Variants in LRRC37A2 observed in about 807,000 individuals in gnomAD.
LRRC37A2 encodes the protein leucine rich repeat containing 37 member A2.
In LRRC37A2, 9 loss-of-function variants were observed where a neutral mutation model predicts 68.8. The observed-to-expected ratio is 0.13, with a 90% CI of 0.08 to 0.23. The LOEUF is 0.23. Among genes scored for constraint, LRRC37A2 ranks in the 10% least tolerant of loss-of-function variants. The probability of loss-of-function intolerance (pLI) is 1.00; values close to 1 mark genes in which losing one functional copy is unlikely to be tolerated. For synonymous variants in LRRC37A2, 63 were observed against 367.6 expected, an observed-to-expected ratio of 0.17 and a Z score of 9.48; for missense variants, 168 against 950.4, an observed-to-expected ratio of 0.18 and a Z score of 10.82.
the LRRC37A2 span, among the ~76,000 whole-genome samples, chr17:46,717,811 GT>G: frequency 6.6e-6 from 1 of 152,198 alleles, no homozygotes; most frequent in Non-Finnish European, 1.5e-5. Flanking sequence ...AGCGAACAAG[GT>G]GACGGAAATC....
the LRRC37A2 span, among the ~76,000 whole-genome samples, chr17:46,770,624 C>G: frequency 2.0e-5 from 3 of 152,200 alleles, no homozygotes; most frequent in Admixed American, 2.0e-4. Context: ...GCTCCTAGAG[C>G]CCCTCACCAG....
At chr17:46,865,021 T>C in the LRRC37A2 span, among the ~76,000 whole-genome samples, 151 of 152,296 alleles carry the variant, frequency 9.9e-4, no homozygotes, top group Non-Finnish European at 4.0e-4. Flanking sequence ...AGTCACAGAC[T>C]CATAGAGGTG....
At chr17:46,947,693 A>T in the LRRC37A2 span, among the ~76,000 whole-genome samples, 9 of 152,348 alleles carry the variant, frequency 5.9e-5, no homozygotes, top group African/African-American at 1.7e-4. Context: ...TCCTGTCTGT[A>T]TAGTGAGAAT....
the LRRC37A2 span, among the ~76,000 whole-genome samples, chr17:46,631,061 T>TATACACACAC: frequency 1.6e-5 from 2 of 122,772 alleles, no homozygotes; most frequent in Non-Finnish European, 3.2e-5. Flanking sequence ...TCTCTCTCTG[T>TATACACACAC]ACACACACAC....
chr17:46,743,079 C>T, the LRRC37A2 span, among the ~76,000 whole-genome samples: 1 of 152,114 alleles, frequency 6.6e-6, no homozygotes. Context: ...ACCCCACTGC[C>T]ATGACTCCTT....
chr17:46,541,701 C>A (rs1353550007), intron 8 of LRRC37A2, among the ~76,000 whole-genome samples: 1 of 150,754 alleles, frequency 6.6e-6, no homozygotes, highest in Non-Finnish European at 1.5e-5. Flanking sequence ...ATATATAAAA[C>A]AACAATACAA....
At chr17:46,978,896 A>T in the LRRC37A2 span, 1 of 1,503,376 alleles carries the variant, frequency 6.7e-7, no homozygotes, top group Non-Finnish European at 8.8e-7. Flanking sequence ...CCTGGACAGC[A>T]GCCCAGCCAC....
chr17:46,865,489 G>A, the LRRC37A2 span, among the ~76,000 whole-genome samples: 2 of 152,180 alleles, frequency 1.3e-5, no homozygotes, highest in African/African-American at 4.8e-5. Context: ...GGGTTCATGG[G>A]GATGGAGGGT....
the LRRC37A2 span, among the ~76,000 whole-genome samples, chr17:46,977,603 C>G: frequency 6.6e-6 from 1 of 152,208 alleles, no homozygotes; most frequent in Admixed American, 6.5e-5. Flanking sequence ...CAGGCAACTG[C>G]GTTTGGAGGC....
chr17:46,736,710 T>C, the LRRC37A2 span, among the ~76,000 whole-genome samples: 1 of 152,272 alleles, frequency 6.6e-6, no homozygotes, highest in African/African-American at 2.4e-5. Flanking sequence ...AATTTGCTGC[T>C]AACCACTAGG....
the LRRC37A2 span, among the ~76,000 whole-genome samples, chr17:46,920,744 T>C: frequency 6.6e-6 from 1 of 152,170 alleles, no homozygotes; most frequent in African/African-American, 2.4e-5. Context: ...AATGTTTGTC[T>C]TGATAAATAA....
At chr17:46,977,565 C>G in the LRRC37A2 span, among the ~76,000 whole-genome samples, 1 of 152,234 alleles carries the variant, frequency 6.6e-6, no homozygotes, top group African/African-American at 2.4e-5. Flanking sequence ...GCTGGGGCAT[C>G]CTGTAATGGG....
chr17:46,869,084 C>T, the LRRC37A2 span, among the ~76,000 whole-genome samples: 3 of 152,296 alleles, frequency 2.0e-5, no homozygotes, highest in Middle Eastern at 3.4e-3. Context: ...GTGGGGTTCC[C>T]GAGGCAGTGC....
chr17:46,817,657 C>A, the LRRC37A2 span, among the ~76,000 whole-genome samples: 1 of 146,886 alleles, frequency 6.8e-6, no homozygotes, highest in East Asian at 2.2e-4. Context: ...CTGCTCCCGG[C>A]TTCCCAGTCT....
the LRRC37A2 span, among the ~76,000 whole-genome samples, chr17:47,045,055 A>G: frequency 7.2e-6 from 1 of 138,172 alleles, no homozygotes; most frequent in Non-Finnish European, 1.6e-5. Context: ...TAAGGCTGCT[A>G]TATAACAAAA....
At chr17:46,991,875 A>AT in the LRRC37A2 span, among the ~76,000 whole-genome samples, 1 of 152,258 alleles carries the variant, frequency 6.6e-6, no homozygotes. Flanking sequence ...TAATGGCAGA[A>AT]TTCAGCAGTT....
chr17:46,935,235 C>A, the LRRC37A2 span: 1 of 1,611,574 alleles, frequency 6.2e-7, no homozygotes, highest in Non-Finnish European at 8.5e-7. Context: ...AGTTTAGTAA[C>A]TGTGTTTATA....
At chr17:46,583,545 T>C in the LRRC37A2 span, among the ~76,000 whole-genome samples, 1 of 79,302 alleles carries the variant, frequency 1.3e-5, no homozygotes, top group African/African-American at 3.6e-5. Context: ...TCCACCTACC[T>C]CGGCCTCCCA....
At chr17:46,714,073 T>C in the LRRC37A2 span, 1 of 1,343,990 alleles carries the variant, frequency 7.4e-7, no homozygotes, top group Non-Finnish European at 9.9e-7. Context: ...CATGTATACA[T>C]ATAAACCCAT....
Sources: allele counts gnomAD v4.1 joint callset (sites outside exome capture counted in the v4.1 genomes callset), GRCh38; gene constraint gnomAD v4.1.1; transcripts MANE v1.5; gene names NCBI Gene and HGNC (gene_info 2026-07-23, HGNC 2026-07-21).